POC1B: variants seen among roughly 807,000 people sequenced by gnomAD.
The protein encoded by POC1B is POC1 centriolar protein homolog B.
In POC1B, 44 loss-of-function variants were observed where a neutral mutation model predicts 60.6. The observed-to-expected ratio is 0.73, with a 90% CI of 0.57 to 0.93. The LOEUF (loss-of-function observed/expected upper bound fraction) is 0.93. Among genes scored for constraint, POC1B ranks in the 40% least tolerant of loss-of-function variants. The probability of loss-of-function intolerance (pLI) is 0.00; values close to 1 mark genes in which losing one functional copy is unlikely to be tolerated. For synonymous variants in POC1B, 180 were observed against 198.9 expected, an observed-to-expected ratio of 0.90 and a Z score of 0.80; for missense variants, 555 against 572.3, an observed-to-expected ratio of 0.97 and a Z score of 0.31.
At chr12:89,472,087 CATTT>C in intron 5 of POC1B, 77 bp downstream of exon 5, 3 of 983,072 alleles carry the variant, frequency 3.1e-6, no homozygotes, top group Non-Finnish European at 4.6e-6. Context: ...TTTCTTTACT[CATTT>C]ATTTATTTAA....
In POC1B at chr12:89,524,545, G is replaced by A. The variant is rs201726968; in HGVS notation, c.100+575C>T. The A allele has an allele frequency of 3.0e-5, 49 of 1,611,026 alleles. No homozygotes were observed. Among genetic ancestry groups the A allele is most frequent in the Middle Eastern group, 2.2e-4 (1 of 4,624 alleles). ...CTTGCCTGCCCAAGTCCACCTCACC[G>A]CCATCCGGATTCTCAGGGCTGAGGC... On this transcript the variant is annotated intron_variant, in intron 2 of 11. Coordinates refer to ENST00000313546, the MANE Select transcript of POC1B (RefSeq NM_172240.3).
chr12:89,413,322 C>T, the POC1B span, among the ~76,000 whole-genome samples: 24 of 152,134 alleles, frequency 1.6e-4, no homozygotes, highest in African/African-American at 3.1e-4. Context: ...CCCCCTGCCT[C>T]GGCCTCCCAA....
chr12:89,435,108 T>C (rs1881198475), intron 10 of POC1B, among the ~76,000 whole-genome samples: 1 of 151,396 alleles, frequency 6.6e-6, no homozygotes, highest in Admixed American at 6.6e-5. Flanking sequence ...TATTTAACCC[T>C]ATGATAAAGA....
At chr12:89,503,781 A>T (rs1869737669) in intron 2 of POC1B, among the ~76,000 whole-genome samples, 1 of 127,004 alleles carries the variant, frequency 7.9e-6, no homozygotes, top group African/African-American at 3.1e-5. Flanking sequence ...CCATCTGAGA[A>T]GTGAGGAGCC....
chr12:89,519,193 T>G (rs954926613), intron 2 of POC1B, among the ~76,000 whole-genome samples: 4 of 152,212 alleles, frequency 2.6e-5, no homozygotes, highest in Non-Finnish European at 5.9e-5. Context: ...ATTTCTAGTT[T>G]GCTCATGAGT....
At chr12:89,493,334 A>G (rs946110718) in intron 3 of POC1B, among the ~76,000 whole-genome samples, 2 of 152,234 alleles carry the variant, frequency 1.3e-5, no homozygotes, top group African/African-American at 2.4e-5. Context: ...ATTCATCTCT[A>G]TAAGACTAGC....
At chr12:89,423,239 G>A (rs1256194242) in intron 11 of POC1B, among the ~76,000 whole-genome samples, 1 of 152,158 alleles carries the variant, frequency 6.6e-6, no homozygotes, top group East Asian at 1.9e-4. Context: ...GCCGAGCTGG[G>A]CGAATCGCTT....
the POC1B span, among the ~76,000 whole-genome samples, chr12:89,413,155 T>C: frequency 1.3e-5 from 2 of 152,076 alleles, no homozygotes; most frequent in Non-Finnish European, 2.9e-5. Flanking sequence ...TGCCCCAGCC[T>C]CCCAAAGTGC....
At chr12:89,469,371 G>T (rs1015693914) in intron 7 of POC1B, among the ~76,000 whole-genome samples, 7 of 152,160 alleles carry the variant, frequency 4.6e-5, no homozygotes, top group African/African-American at 1.7e-4. Context: ...AACCAATTGA[G>T]AAATAAGACA....
chr12:89,489,432 A>C (rs1387923989), intron 4 of POC1B, among the ~76,000 whole-genome samples: 1 of 152,218 alleles, frequency 6.6e-6, no homozygotes, highest in African/African-American at 2.4e-5. Context: ...GCATATACAG[A>C]AATAATTCTG....
chr12:89,447,095 G>A (rs1881821938), intron 10 of POC1B, among the ~76,000 whole-genome samples: 1 of 152,114 alleles, frequency 6.6e-6, no homozygotes, highest in East Asian at 1.9e-4. Context: ...AAACGTCTTA[G>A]AGAAAACTGC....
At chr12:89,417,783 G>GT (rs1291222237), downstream of POC1B, among the ~76,000 whole-genome samples, 1 of 152,192 alleles carries the variant, frequency 6.6e-6, no homozygotes, top group Non-Finnish European at 1.5e-5. Flanking sequence ...CTCCTTTGGT[G>GT]TTTTTCCCCT....
chr12:89,504,366 C>T (rs548650192), intron 2 of POC1B, among the ~76,000 whole-genome samples: 41 of 152,184 alleles, frequency 2.7e-4, no homozygotes, highest in African/African-American at 4.6e-4. Context: ...GGATTAAGGG[C>T]GGTGCAAGAT....
chr12:89,466,914 T>A lies in POC1B; in HGVS notation c.888A>T (p.Leu296Phe). 6.2e-7 allele frequency: 1 copy of A among 1,609,080 alleles called. No homozygotes were observed. The highest frequency in any genetic ancestry group is 1.1e-5 in the South Asian group (1 of 90,316). ...GCAATTCATCAAAGTTAGTCCTCCA[T>A]AATAAGACCTATGAAAAAAGTCAAT... ...ASGGADTQVLLWRTNFDELHC... is the reference protein window; with the variant it reads ...ASGGADTQVLFWRTNFDELHC... The change falls in exon 9 of 12, where the codon TTA (leucine) becomes TTT (phenylalanine). Residue 296 changes from leucine (L) to phenylalanine (F), a missense_variant. Transcript: ENST00000313546.
chr12:89,524,715 C>T, intron 2 of POC1B: 1 of 709,564 alleles, frequency 1.4e-6, no homozygotes, highest in Non-Finnish European at 2.4e-6. Flanking sequence ...TCACCTGAGC[C>T]CTCTCGGTCC....
At chr12:89,512,195 T>C (rs371345950) in intron 2 of POC1B, among the ~76,000 whole-genome samples, 1 of 152,228 alleles carries the variant, frequency 6.6e-6, no homozygotes, top group African/African-American at 2.4e-5. Flanking sequence ...ATAATACAAT[T>C]AACTGACAGC....
Position 89,459,852 on chromosome 12 carries a change from A to G in POC1B, c.1033-134T>C, listed in dbSNP as rs977044417. On this transcript the variant is annotated intron_variant, in intron 9 of 11. Transcript: ENST00000313546. ...TATTGGTATATTCATTACTATGGAT[A>G]AAAAAAATTTTAAGCTAAATGTTAG... 1.4e-5 allele frequency: 7 copies of G among 517,720 alleles called. 1 individual carries two copies. The Admixed American group carries it at 2.6e-4, about 19-fold the overall frequency. The allele number at this position is 517,720 out of a possible 1,614,324, so 32.1% of individuals were successfully genotyped here.
intron 4 of POC1B, among the ~76,000 whole-genome samples, chr12:89,475,529 T>C (rs1883069385): frequency 6.6e-6 from 1 of 152,198 alleles, no homozygotes; most frequent in African/African-American, 2.4e-5. Flanking sequence ...CTCCTCCCTT[T>C]TATTTTTAAT....
chr12:89,514,021 T>C (rs1415987473), intron 2 of POC1B, among the ~76,000 whole-genome samples: 1 of 152,160 alleles, frequency 6.6e-6, no homozygotes, highest in East Asian at 1.9e-4. Flanking sequence ...TCATCACCTT[T>C]CCACCCATCC....
Sources: gnomAD v4.1 joint callset for allele counts (sites outside exome capture counted in the v4.1 genomes callset) on GRCh38, gnomAD v4.1.1 for gene constraint, MANE v1.5 for transcripts, NCBI Gene and HGNC (gene_info 2026-07-23, HGNC 2026-07-21) for gene names.